Variants in NECAB2 observed in about 807,000 individuals in gnomAD.
NECAB2 encodes N-terminal EF-hand calcium binding protein 2.
NECAB2 carries 68 observed loss-of-function variants against 51.9 expected under a neutral mutation model. The observed-to-expected ratio is 1.31, with a 90% CI of 1.08 to 1.60. The LOEUF (loss-of-function observed/expected upper bound fraction) is 1.60. NECAB2 is among the 40% of genes most tolerant of loss of function. The pLI, the probability that NECAB2 is intolerant of heterozygous loss-of-function variation, is 0.00. For synonymous variants in NECAB2, 329 were observed against 203.5 expected, an observed-to-expected ratio of 1.62 and a Z score of -5.25; for missense variants, 854 against 490.3, an observed-to-expected ratio of 1.74 and a Z score of -7.00.
intron 5 of NECAB2, among the ~76,000 whole-genome samples, chr16:83,984,106 C>T (rs1001873059): frequency 2.0e-5 from 3 of 151,470 alleles, no homozygotes; most frequent in African/African-American, 4.9e-5. Flanking sequence ...CGCCATTCTC[C>T]TGCTTCAGCC....
Position 83,994,206 on chromosome 16 carries a change from C to T in NECAB2, c.597-96C>T, listed in dbSNP as rs936204817. 6 of 1,108,954 alleles carry T rather than the reference C, an allele frequency of 5.4e-6. 1 individual carries two copies. The highest frequency in any genetic ancestry group is 4.8e-5 in the East Asian group (2 of 41,878). The allele number at this position is 1,108,954 out of a possible 1,614,324, so 68.7% of individuals were successfully genotyped here. On this transcript the variant is annotated intron_variant, in intron 6 of 12. Coordinates refer to ENST00000305202, the MANE Select transcript of NECAB2 (RefSeq NM_019065.3). The stretch of plus-strand genomic sequence containing the variant: ...CAAGTTCTGTGCATGTGTGAGTCCA[C>T]TGTCTTGCGTAATAAATGCCTGTGG...
Position 83,997,064 on chromosome 16 carries a change from C to T in NECAB2, c.796-152C>T, listed in dbSNP as rs189558595. 19 of 772,756 alleles carry T rather than the reference C, an allele frequency of 2.5e-5. 1 individual carries two copies. In the East Asian group the frequency reaches 4.5e-4, roughly 18 times the overall value. 47.9% of individuals were successfully genotyped at this position (772,756 alleles called of 1,614,324 possible). A position where few individuals can be genotyped will look rare whatever the true frequency, so the allele number is the denominator to read the frequency against. ...AGGCCCCCTGTAGGCCAGAGGGAGT[C>T]TCTGCCACTTCCTAGCGTTGGTCTC... On this transcript the variant is annotated intron_variant, in intron 8 of 12. Transcript: ENST00000305202.
chr16:84,000,678 CTTGG>C, intron 10 of NECAB2, 42 bp from the exon 11 acceptor site: 1 of 1,582,556 alleles, frequency 6.3e-7, no homozygotes, highest in Non-Finnish European at 8.7e-7. Flanking sequence ...CTGAGGTGGC[CTTGG>C]TTGAGCTCCA....
chr16:83,972,222 C>A, intron 2 of NECAB2, 47 bp downstream of exon 2: 1 of 1,612,630 alleles, frequency 6.2e-7, no homozygotes, highest in South Asian at 1.1e-5. Context: ...CTTCTGTCCT[C>A]GTGCTTCATG....
At chr16:83,975,399 GC>G (rs1433077977) in intron 2 of NECAB2, among the ~76,000 whole-genome samples, 2 of 152,032 alleles carry the variant, frequency 1.3e-5, no homozygotes, top group Non-Finnish European at 2.9e-5. Context: ...AGGCCGATAG[GC>G]CCACAAGCAC....
chr16:83,976,742 C>G (rs8058110), intron 2 of NECAB2, among the ~76,000 whole-genome samples: 41,545 of 152,120 alleles, frequency 0.27, 10,361 homozygotes, highest in African/African-American at 0.67. Flanking sequence ...CCCGTGCCCA[C>G]ACGTTCATAT....
At chr16:83,966,937 C>T (rs1352146788), upstream of NECAB2, among the ~76,000 whole-genome samples, 3 of 152,010 alleles carry the variant, frequency 2.0e-5, no homozygotes, top group Admixed American at 6.6e-5. Flanking sequence ...AGTGCTGTGG[C>T]GCTTGGTTCA....
At chr16:84,000,905 A>C (rs1029712877) in intron 11 of NECAB2, 104 bp downstream of exon 11, 8 of 1,154,608 alleles carry the variant, frequency 6.9e-6, no homozygotes, top group Non-Finnish European at 8.9e-6. Flanking sequence ...GGCCGAGTCC[A>C]GTCAGCAGAT....
rs763347498 is a variant in NECAB2 at position 83,981,107 on chromosome 16, G to A, written c.439G>A (p.Ala147Thr). ...GACCTTGAATCACTCTGTCCTGAAG[G>A]CCATGGGTTATACCAAGAAGGTCAG... The part of the protein sequence containing the change: ...LETLNHSVLK[A>T]MGYTKKVYEG... Residue 147 changes from alanine (A) to threonine (T), a missense_variant, in exon 5 of 13, where the codon GCC becomes ACC. Physicochemically the swap from Ala to Thr is moderately conservative, Grantham distance 58. Transcript: ENST00000305202. 3 of 1,614,116 alleles carry A rather than the reference G, an allele frequency of 1.9e-6. No individual in the cohort carries two copies. Among genetic ancestry groups the A allele is most frequent in the Non-Finnish European group, 2.5e-6 (3 of 1,180,006 alleles).
chr16:83,997,162 C>T (rs1374742081), intron 8 of NECAB2, 54 bp from the exon 9 acceptor site: 6 of 1,611,694 alleles, frequency 3.7e-6, no homozygotes, highest in East Asian at 2.2e-5. Flanking sequence ...TCCTGGCTCC[C>T]CGGGGCGGAG....
rs533378200 is a variant in NECAB2, at chr16:83,996,163, T to A, written c.796-1053T>A. On this transcript the variant is annotated intron_variant, in intron 8 of 12. Coordinates refer to ENST00000305202, the MANE Select transcript of NECAB2 (RefSeq NM_019065.3). ...TAGGGGCCCCTGGCTGGGAGAAGAA[T>A]GGGGCAGATACAGGGGCCACAGTGC... 5.3e-5 allele frequency among the ~76,000 whole-genome samples: 8 copies of A among 152,180 alleles called. 1 individual carries two copies. In the East Asian group the frequency reaches 1.5e-3, roughly 29 times the overall value.
chr16:83,981,068 C>G lies in NECAB2; in HGVS notation c.400C>G (p.Leu134Val), dbSNP rs1490972967. The G allele has an allele frequency of 1.9e-6, 3 of 1,614,052 alleles. No individual in the cohort carries two copies. Among genetic ancestry groups the G allele is most frequent in the Non-Finnish European group, 2.5e-6 (3 of 1,180,032 alleles). Residue 134 changes from leucine to valine, a missense_variant, in exon 5 of 13, where the codon CTG becomes GTG. Transcript: ENST00000305202. ...CCACATGGGTGACTATGAGGATGTC[C>G]TGGCCTCCCTGGAGACCTTGAATCA... The part of the protein sequence containing the change: ...VDHMGDYEDV[L>V]ASLETLNHSV...
chr16:84,000,635 T>C (rs2084810916), intron 10 of NECAB2, 89 bp from the exon 11 acceptor site: 1 of 1,011,468 alleles, frequency 9.9e-7, no homozygotes, highest in Non-Finnish European at 1.5e-6. Flanking sequence ...TTGTGTATAG[T>C]GGTGGGTCTC....
intron 5 of NECAB2, among the ~76,000 whole-genome samples, chr16:83,986,150 G>T (rs185355834): frequency 4.6e-5 from 7 of 152,248 alleles, no homozygotes; most frequent in Admixed American, 3.9e-4. Context: ...CCGAGTAGCT[G>T]GGATTACAGG....
intron 10 of NECAB2, among the ~76,000 whole-genome samples, chr16:83,999,988 A>G (rs73248870): frequency 0.067 from 10,171 of 152,002 alleles, 1,067 homozygotes; most frequent in African/African-American, 0.23. Context: ...GAGGGTTTAA[A>G]TGAGTCTCAT....
chr16:83,978,591 T>G, intron 3 of NECAB2, 39 bp downstream of exon 3: 1 of 1,519,642 alleles, frequency 6.6e-7, no homozygotes. Flanking sequence ...GGGGTGTGTG[T>G]GGGCTGTGGT....
chr16:83,968,910 G>C (rs1399960221), intron 1 of NECAB2, 61 bp downstream of exon 1: 1 of 1,006,082 alleles, frequency 9.9e-7, no homozygotes, highest in East Asian at 6.8e-5. Flanking sequence ...AGCCCCCTCC[G>C]CCCCTCGGGC....
At chr16:83,972,450 T>G (rs1354266845) in intron 2 of NECAB2, among the ~76,000 whole-genome samples, 1 of 152,232 alleles carries the variant, frequency 6.6e-6, no homozygotes, top group Non-Finnish European at 1.5e-5. Flanking sequence ...CTGGCCGTGG[T>G]AAGGGCTGGG....
chr16:84,000,622 C>T, intron 10 of NECAB2, 102 bp from the exon 11 acceptor site: 2 of 835,888 alleles, frequency 2.4e-6, no homozygotes, highest in East Asian at 2.5e-5. Flanking sequence ...TTGAAGGCAG[C>T]CGTTGTGTAT....
Sources: allele counts gnomAD v4.1 joint callset (sites outside exome capture counted in the v4.1 genomes callset), GRCh38; gene constraint gnomAD v4.1.1; transcripts MANE v1.5; gene names NCBI Gene and HGNC (gene_info 2026-07-23, HGNC 2026-07-21).